The following IL18BP variants were observed in gnomAD, a reference collection of about 807,000 sequenced individuals.
IL18BP encodes the protein interleukin 18 binding protein.
IL18BP carries 23 observed loss-of-function variants against 19.9 expected under a neutral mutation model. The ratio of observed to expected loss-of-function variants is 1.15; its 90% CI spans 0.83 to 1.64. The LOEUF (loss-of-function observed/expected upper bound fraction) is 1.64. Ranked by LOEUF, IL18BP falls within the 40% of genes most tolerant of loss-of-function variation. IL18BP has a pLI of 0.00. For missense variants in IL18BP, 239 were observed against 240.7 expected (o/e 0.99, Z 0.05); for synonymous variants, 107 against 101.0 (o/e 1.06, Z -0.35).
downstream of IL18BP, chr11:72,002,864 TCA>T: frequency 4.7e-6 from 1 of 213,762 alleles, no homozygotes; most frequent in Non-Finnish European, 9.5e-6. Context: ...AACTCAGTAC[TCA>T]CGGGAGAAAA....
Position 72,001,293 on chromosome 11 carries a change from C to CT in IL18BP, c.329dup (p.Gly112ArgfsTer45). The CT allele has an allele frequency of 6.2e-7, 1 of 1,614,224 alleles. No homozygotes were observed. Among genetic ancestry groups the CT allele is most frequent in the Non-Finnish European group, 8.5e-7 (1 of 1,180,040 alleles). ...GGGCAATGGTTCCTTCATTGAGCAC[C>CT]TCCCAGGCCGACTGTGGGAGGGGAG... On this transcript the variant is annotated frameshift_variant, in exon 4 of 6. Transcript: ENST00000393703. LOFTEE classifies it high-confidence loss of function.
intron 3 of IL18BP, 44 bp from the exon 4 acceptor site, chr11:72,001,157 A>C (rs1955203508): frequency 6.2e-7 from 1 of 1,611,448 alleles, no homozygotes; most frequent in Non-Finnish European, 8.5e-7. Flanking sequence ...GGGTAGGGGA[A>C]GGGCCTGCTC....
intron 1 of IL18BP, 28 bp downstream of exon 1, chr11:71,999,047 T>C: frequency 2.2e-6 from 1 of 447,112 alleles, no homozygotes; most frequent in South Asian, 1.7e-5. Context: ...CTAGTGAACC[T>C]AGACCTGTGG....
chr11:72,001,898 C>G lies in IL18BP; in HGVS notation c.*37C>G. On this transcript the variant is annotated 3_prime_UTR_variant, in exon 6 of 6. Coordinates refer to ENST00000393703, the MANE Select transcript of IL18BP (RefSeq NM_001039660.2). ...GGGCCAGCAGCAGCACAACCTTGAC[C>G]AGAGCTTGGGTCCTACCTGTCTACC... is the stretch of plus-strand genomic sequence containing the variant. 2.5e-6 allele frequency: 4 copies of G among 1,613,498 alleles called. No homozygotes were observed. Among genetic ancestry groups the G allele is most frequent in the Non-Finnish European group, 3.4e-6 (4 of 1,179,662 alleles).
chr11:72,000,001 A>G lies in IL18BP; in HGVS notation c.17A>G (p.Asn6Ser). 6.2e-7 allele frequency: 1 copy of G among 1,613,928 alleles called. No individual in the cohort carries two copies. Among genetic ancestry groups the G allele is most frequent in the Non-Finnish European group, 8.5e-7 (1 of 1,179,824 alleles). The change falls in exon 2 of 6, where the codon AAC becomes AGC. Residue 6 changes from asparagine to serine, a missense_variant. Transcript: ENST00000393703. MTMRH[N>S]WTPDLSPLWV... ...GCATGCATCATGACCATGAGACACA[A>G]CTGGACACCAGGTAGGCCTTGGGGC...
chr11:72,005,155 T>C, downstream of IL18BP: 1 of 1,432,934 alleles, frequency 7.0e-7, no homozygotes, highest in Non-Finnish European at 9.3e-7. Flanking sequence ...AGGGCCCTAG[T>C]GCTCAGGCTA....
At chr11:72,003,407 A>T, downstream of IL18BP, 1 of 974,654 alleles carries the variant, frequency 1.0e-6, no homozygotes, top group Non-Finnish European at 1.7e-6. Context: ...CACTGTCTCT[A>T]GGGGTTTGGC....
Position 72,002,592 on chromosome 11 carries a change from G to A in IL18BP, c.*731G>A, listed in dbSNP as rs924483926. 1.3e-5 allele frequency: 2 copies of A among 156,526 alleles called. No individual in the cohort carries two copies. The highest frequency in any genetic ancestry group is 2.4e-5 in the African/African-American group (1 of 41,554). The allele number at this position is 156,526 out of a possible 1,614,324, so 9.7% of individuals were successfully genotyped here. ...CCCAGGAACTTTGCCTGTCCCACGAGGGAGTATGGGAGAGAGGGACTGCCA... is the reference window on the plus strand; with the variant it reads ...CCCAGGAACTTTGCCTGTCCCACGAAGGAGTATGGGAGAGAGGGACTGCCA... On this transcript the variant is annotated 3_prime_UTR_variant, in exon 6 of 6. Coordinates refer to ENST00000393703, the MANE Select transcript of IL18BP (RefSeq NM_001039660.2).
At chr11:72,000,119 G>A (rs957672667) in intron 2 of IL18BP, 107 bp downstream of exon 2, 9 of 1,220,348 alleles carry the variant, frequency 7.4e-6, no homozygotes, top group South Asian at 1.3e-5. Context: ...ACCACCCAGC[G>A]CACCTGGTGC....
chr11:72,007,310 C>G, downstream of IL18BP: 11 of 1,613,256 alleles, frequency 6.8e-6, no homozygotes, highest in Non-Finnish European at 9.3e-6. Context: ...GGCCTGACTC[C>G]GAGCAGGGAT....
At chr11:72,004,632 G>A (rs377573232), downstream of IL18BP, 51 of 1,611,026 alleles carry the variant, frequency 3.2e-5, no homozygotes, top group East Asian at 2.7e-4. Context: ...AGGAGCCACC[G>A]CGCCTACCTC....
chr11:72,002,068 C>T lies in IL18BP; in HGVS notation c.*207C>T, dbSNP rs5743675. 3.0e-3 allele frequency: 2,013 copies of T among 675,678 alleles called. 5 individuals are homozygous for T. Among genetic ancestry groups the T allele is most frequent in the South Asian group, 3.8e-3 (201 of 53,048 alleles). The allele number at this position is 675,678 out of a possible 1,614,324, so 41.9% of individuals were successfully genotyped here. Reference sequence around the variant, plus strand: ...TCACAGCCTCCTTATAATGCCTCCTCCTCCTGCCATTCTCTCTCCACCTAT... The same window carrying T: ...TCACAGCCTCCTTATAATGCCTCCTTCTCCTGCCATTCTCTCTCCACCTAT... On this transcript the variant is annotated 3_prime_UTR_variant, in exon 6 of 6. Transcript: ENST00000393703.
In IL18BP at chr11:72,002,555, T is replaced by C. The variant is rs1955326750; in HGVS notation, c.*694T>C. 2 of 154,070 alleles carry C rather than the reference T, an allele frequency of 1.3e-5. No individual in the cohort carries two copies. The highest frequency in any genetic ancestry group is 2.9e-5 in the Non-Finnish European group (2 of 69,168). 9.5% of individuals were successfully genotyped at this position (154,070 alleles called of 1,614,324 possible). ...CATCCTGACATCTGTTCATTTAGGCTTCAGTTCCACTCCCAGGAACTTTGC... is the reference window on the plus strand; with the variant it reads ...CATCCTGACATCTGTTCATTTAGGCCTCAGTTCCACTCCCAGGAACTTTGC... On this transcript the variant is annotated 3_prime_UTR_variant, in exon 6 of 6. Transcript: ENST00000393703.
Position 72,002,264 on chromosome 11 carries a change from C to T in IL18BP, c.*403C>T, listed in dbSNP as rs1955296491. 8.9e-6 allele frequency: 2 copies of T among 223,864 alleles called. No individual in the cohort carries two copies. The highest frequency in any genetic ancestry group is 2.3e-5 in the African/African-American group (1 of 44,114). 13.9% of individuals were successfully genotyped at this position (223,864 alleles called of 1,614,324 possible). A position where few individuals can be genotyped will look rare whatever the true frequency, so the allele number is the denominator to read the frequency against. On this transcript the variant is annotated 3_prime_UTR_variant, in exon 6 of 6. Coordinates refer to ENST00000393703, the MANE Select transcript of IL18BP (RefSeq NM_001039660.2). ...TCCCAGACAGCTCCCACTCCCATGT[C>T]TCTGCTCATTTAGTCCCGTCTTCCT...
chr11:72,001,457 C>T lies in IL18BP; in HGVS notation c.412C>T (p.Gln138Ter), dbSNP rs767663734. The change falls in exon 5 of 6, where the codon CAG becomes TAG. Residue 138 changes from glutamine to a stop codon, truncating the protein, a stop_gained. Transcript: ENST00000393703. LOFTEE classifies it high-confidence loss of function. ...TQLCKALVLE[Q>*]LTPALHSTNF... is the part of the protein sequence containing the mutation. ...GCTGTGCAAGGCCTTGGTGCTGGAGCAGCTGACCCCTGCCCTGCACAGCAC... is the reference window on the plus strand; with the variant it reads ...GCTGTGCAAGGCCTTGGTGCTGGAGTAGCTGACCCCTGCCCTGCACAGCAC... The T allele has an allele frequency of 1.2e-6, 2 of 1,614,188 alleles. No homozygotes were observed. The highest frequency in any genetic ancestry group is 2.2e-5 in the South Asian group (2 of 91,082).
downstream of IL18BP, chr11:72,004,319 A>G (rs1955517616): frequency 6.2e-7 from 1 of 1,613,040 alleles, no homozygotes. Flanking sequence ...GGGGCGTGGG[A>G]AACAGCTGGT....
At chr11:72,004,830 A>AG (rs1191444616), downstream of IL18BP, 1 of 1,554,384 alleles carries the variant, frequency 6.4e-7, no homozygotes, top group Non-Finnish European at 8.7e-7. Flanking sequence ...CATGGGTGGA[A>AG]GAGGTGGTCA....
chr11:72,006,314 G>A (rs145153676), downstream of IL18BP: 14,760 of 1,505,830 alleles, frequency 9.8e-3, 85 homozygotes, highest in Non-Finnish European at 0.012. Context: ...GCACTGTACA[G>A]AAGCTTCCCA....
At chr11:72,003,133 C>A, downstream of IL18BP, 1 of 274,712 alleles carries the variant, frequency 3.6e-6, no homozygotes, top group Non-Finnish European at 7.0e-6. Flanking sequence ...CTGGGCCCAG[C>A]CACCAGGACA....
Sources: allele counts gnomAD v4.1 joint callset, GRCh38; gene constraint gnomAD v4.1.1; transcripts MANE v1.5; gene names NCBI Gene and HGNC (gene_info 2026-07-23, HGNC 2026-07-21).